The following TRAK1 variants were observed in gnomAD, a reference collection of about 807,000 sequenced individuals.
TRAK1 encodes trafficking kinesin-binding protein 1.
A neutral mutation model predicts 92.1 loss-of-function variants in TRAK1; 33 were observed. The ratio of observed to expected loss-of-function variants is 0.36; its 90% CI spans 0.27 to 0.48. The LOEUF (loss-of-function observed/expected upper bound fraction) is 0.48, where lower values mean the gene tolerates loss of function less well. Ranked by LOEUF, TRAK1 falls within the 20% of genes least tolerant of loss-of-function variation. The probability of loss-of-function intolerance (pLI) is 0.99; values close to 1 mark genes in which losing one functional copy is unlikely to be tolerated. For synonymous variants in TRAK1, 521 were observed against 517.3 expected (o/e 1.01, Z -0.10); for missense variants, 1,123 against 1,257.9 (o/e 0.89, Z 1.62).
At chr3:42,181,567 A>G in intron 3 of TRAK1, among the ~76,000 whole-genome samples, 1 of 152,152 alleles carries the variant, frequency 6.6e-6, no homozygotes, top group East Asian at 1.9e-4. Context: ...AAATGTGGCG[A>G]AGGCATGCAA....
chr3:42,188,608 C>T (rs1310626244), intron 5 of TRAK1, among the ~76,000 whole-genome samples: 4 of 152,176 alleles, frequency 2.6e-5, no homozygotes, highest in African/African-American at 9.7e-5. Context: ...ATGCTGTTGG[C>T]TAGGTTACTT....
At chr3:42,055,869 A>G (rs1026901207) in intron 1 of TRAK1, among the ~76,000 whole-genome samples, 3 of 152,106 alleles carry the variant, frequency 2.0e-5, no homozygotes, top group African/African-American at 7.2e-5. Context: ...GCAACTACTA[A>G]TCTACTTTAT....
chr3:42,023,746 T>G (rs1701812750), intron 1 of TRAK1, among the ~76,000 whole-genome samples: 1 of 112,290 alleles, frequency 8.9e-6, no homozygotes, highest in African/African-American at 3.6e-5. Flanking sequence ...TCGTGAGGGT[T>G]TTTTTTTTTT....
intron 2 of TRAK1, among the ~76,000 whole-genome samples, chr3:42,167,988 G>T (rs1348690348): frequency 6.6e-6 from 1 of 152,212 alleles, no homozygotes; most frequent in Non-Finnish European, 1.5e-5. Context: ...AGGGTCAACA[G>T]GCAAGTGAGA....
intron 1 of TRAK1, among the ~76,000 whole-genome samples, chr3:42,115,740 C>A (rs975939916): frequency 6.6e-6 from 1 of 152,204 alleles, no homozygotes; most frequent in East Asian, 1.9e-4. Context: ...TTCTGGAGAT[C>A]CCCTTTGCTG....
intron 2 of TRAK1, among the ~76,000 whole-genome samples, chr3:42,165,836 C>T (rs773802548): frequency 5.3e-4 from 81 of 152,088 alleles, no homozygotes; most frequent in Non-Finnish European, 8.8e-4. Context: ...GGCTACCCCA[C>T]GCAGGCCTCC....
chr3:42,076,216 CTTTTTTTT>C (rs3073733), intron 1 of TRAK1, among the ~76,000 whole-genome samples: 11 of 62,708 alleles, frequency 1.8e-4, no homozygotes, highest in African/African-American at 8.8e-4. Flanking sequence ...GATATTAGAC[CTTTTTTTT>C]TTTTTTTTTT....
intron 4 of TRAK1, 36 bp downstream of exon 4, chr3:42,184,837 C>T (rs745842983): frequency 4.2e-5 from 66 of 1,587,190 alleles, no homozygotes; most frequent in African/African-American, 2.2e-4. Flanking sequence ...CAGAGGGGCC[C>T]GCCACAGGCC....
At chr3:42,106,294 A>G (rs529835922) in intron 1 of TRAK1, among the ~76,000 whole-genome samples, 1,723 of 152,346 alleles carry the variant, frequency 0.011, 31 homozygotes, top group African/African-American at 0.038. Context: ...GCAGAGACAC[A>G]CATAGGCTCA....
At chr3:42,098,165 C>G (rs1407978370) in intron 1 of TRAK1, among the ~76,000 whole-genome samples, 1 of 152,078 alleles carries the variant, frequency 6.6e-6, no homozygotes. Context: ...CCCCACTCCC[C>G]TCCTTTCTCT....
upstream of TRAK1, among the ~76,000 whole-genome samples, chr3:42,083,689 A>G (rs772083315): frequency 6.6e-5 from 10 of 152,140 alleles, no homozygotes; most frequent in Admixed American, 3.9e-4. Context: ...AGCATGGGCA[A>G]CATGGTGAAA....
rs1576230187 is a variant in TRAK1, at chr3:42,068,301, G to A, written c.-518-18803G>A. On this transcript the variant is annotated intron_variant, in intron 1 of 16. Transcript: ENST00000487159. ...AGCCTTTCAAGTAGCTGGGACTACA[G>A]GTGTGCCACCACGTCCAGCTAACTT... is the stretch of plus-strand genomic sequence containing the variant. Among the ~76,000 whole-genome samples the A allele has an allele frequency of 2.0e-5, 3 of 152,180 alleles. No homozygotes were observed. In the East Asian group the frequency reaches 5.8e-4, roughly 29 times the overall value.
At chr3:42,157,612 A>C (rs1415521866) in intron 2 of TRAK1, among the ~76,000 whole-genome samples, 4 of 146,724 alleles carry the variant, frequency 2.7e-5, no homozygotes, top group African/African-American at 9.7e-5. Flanking sequence ...ATCTAATCAT[A>C]AGAAAACACC....
At chr3:42,113,572 C>T (rs886330887) in intron 1 of TRAK1, among the ~76,000 whole-genome samples, 6 of 152,142 alleles carry the variant, frequency 3.9e-5, no homozygotes, top group African/African-American at 1.4e-4. Context: ...TGCCATCACA[C>T]TCGGCTGATT....
At chr3:42,126,394 C>T (rs1352378840) in intron 2 of TRAK1, among the ~76,000 whole-genome samples, 2 of 152,014 alleles carry the variant, frequency 1.3e-5, no homozygotes, top group African/African-American at 4.8e-5. Context: ...AGCAGCAAAC[C>T]AGTCATTCTG....
intron 3 of TRAK1, 41 bp from the exon 4 acceptor site, chr3:42,184,644 C>T (rs1704514109): frequency 1.3e-6 from 2 of 1,593,620 alleles, no homozygotes; most frequent in Non-Finnish European, 1.7e-6. Context: ...TCAGGAAACA[C>T]AGGTCTTTTG....
At chr3:42,182,293 C>T (rs1049953972) in intron 3 of TRAK1, among the ~76,000 whole-genome samples, 1 of 80,630 alleles carries the variant, frequency 1.2e-5, no homozygotes, top group Non-Finnish European at 2.3e-5. Context: ...GGATTTGCAA[C>T]TCTCTCTTTT....
At chr3:42,132,265 G>A (rs996052440) in intron 2 of TRAK1, among the ~76,000 whole-genome samples, 3 of 145,434 alleles carry the variant, frequency 2.1e-5, no homozygotes, top group African/African-American at 7.6e-5. Context: ...TTTGTTTGGT[G>A]TATTTTTTTT....
At chr3:42,222,866 C>G in intron 15 of TRAK1, 76 bp from the exon 16 acceptor site, 5 of 1,520,636 alleles carry the variant, frequency 3.3e-6, no homozygotes, top group Non-Finnish European at 3.6e-6. Flanking sequence ...ACCCCCCCTG[C>G]AGGAAACTGG....
Sources: gnomAD v4.1 joint callset for allele counts (sites outside exome capture counted in the v4.1 genomes callset) on GRCh38, gnomAD v4.1.1 for gene constraint, MANE v1.5 for transcripts, NCBI Gene and HGNC (gene_info 2026-07-23, HGNC 2026-07-21) for gene names.